FBXL17: variants seen among roughly 807,000 people sequenced by gnomAD.
The protein encoded by FBXL17 is F-box and leucine rich repeat protein 17, also known as F-box/LRR-repeat protein 17.
FBXL17 carries 22 observed loss-of-function variants against 66.2 expected under a neutral mutation model. That is an observed-to-expected ratio of 0.33 (90% confidence interval 0.24 to 0.47). The LOEUF (loss-of-function observed/expected upper bound fraction) is 0.47. Ranked by LOEUF, FBXL17 falls within the 20% of genes least tolerant of loss-of-function variation. The pLI is 1.00. For missense variants in FBXL17, 878 were observed against 948.2 expected, an observed-to-expected ratio of 0.93 and a Z score of 0.97; for synonymous variants, 474 against 400.5, an observed-to-expected ratio of 1.18 and a Z score of -2.19.
intron 3 of FBXL17, among the ~76,000 whole-genome samples, chr5:108,361,868 CTCTGGAACCAGGGA>C (rs748506392): frequency 3.9e-5 from 6 of 152,158 alleles, no homozygotes; most frequent in Non-Finnish European, 8.8e-5. Context: ...GCTCTGTTCC[CTCTGGAACCAGGGA>C]TCTGGGTCCC....
chr5:108,066,181 G>A (rs1748110827), intron 6 of FBXL17, among the ~76,000 whole-genome samples: 1 of 152,080 alleles, frequency 6.6e-6, no homozygotes, highest in African/African-American at 2.4e-5. Context: ...TCATGACATT[G>A]ATTATAAAGA....
chr5:107,988,769 C>T (rs1232860569), intron 7 of FBXL17, among the ~76,000 whole-genome samples: 2 of 151,918 alleles, frequency 1.3e-5, no homozygotes, highest in Non-Finnish European at 2.9e-5. Context: ...TGAATAAGAG[C>T]ATGATGATCT....
At chr5:108,289,899 C>T (rs938667699) in intron 4 of FBXL17, among the ~76,000 whole-genome samples, 1 of 152,094 alleles carries the variant, frequency 6.6e-6, no homozygotes, top group Admixed American at 6.6e-5. Flanking sequence ...GAGATACCTT[C>T]TAAAATGAAA....
intron 4 of FBXL17, among the ~76,000 whole-genome samples, chr5:108,245,111 T>C (rs979204344): frequency 6.6e-6 from 1 of 152,122 alleles, no homozygotes; most frequent in South Asian, 2.1e-4. Context: ...CATATAGATA[T>C]GAATAGACTT....
intron 7 of FBXL17, among the ~76,000 whole-genome samples, chr5:107,928,451 C>T (rs1429688788): frequency 1.3e-5 from 2 of 151,460 alleles, no homozygotes; most frequent in South Asian, 2.1e-4. Context: ...AAGATGACCC[C>T]CACCCCAAAT....
intron 6 of FBXL17, among the ~76,000 whole-genome samples, chr5:108,184,426 C>A (rs1481399995): frequency 1.3e-5 from 2 of 152,066 alleles, no homozygotes; most frequent in African/African-American, 2.4e-5. Context: ...CCTGCCTCAG[C>A]CTCCCAAGTA....
chr5:108,219,928 C>CTTTTTTTTTTTTTTTTTTT, intron 5 of FBXL17, among the ~76,000 whole-genome samples: 22 of 37,456 alleles, frequency 5.9e-4, no homozygotes, highest in East Asian at 1.4e-3. Context: ...TTACTATTTC[C>CTTTTTTTTTTTTTTTTTTT]TTTTTTTTTT....
At chr5:108,082,282 G>A (rs1748801914) in intron 6 of FBXL17, among the ~76,000 whole-genome samples, 1 of 151,954 alleles carries the variant, frequency 6.6e-6, no homozygotes, top group Non-Finnish European at 1.5e-5. Flanking sequence ...GACAGGCTCA[G>A]ATCTCCTGGG....
Position 108,225,256 on chromosome 5 carries a change from T to C in FBXL17, c.1507-1028A>G, listed in dbSNP as rs536624603. 4.6e-5 allele frequency among the ~76,000 whole-genome samples: 7 copies of C among 152,328 alleles called. No individual in the cohort carries two copies. In the East Asian group the frequency reaches 7.7e-4, roughly 17 times the overall value. On this transcript the variant is annotated intron_variant, in intron 4 of 8. Coordinates refer to ENST00000542267, the MANE Select transcript of FBXL17 (RefSeq NM_001163315.3). ...AATATGTGTTGGAATTTCCTTACTT[T>C]TCAAGGCTGAAAAATATTCCATTGT...
chr5:107,924,537 C>A (rs1399900782), intron 7 of FBXL17, among the ~76,000 whole-genome samples: 1 of 152,164 alleles, frequency 6.6e-6, no homozygotes, highest in Non-Finnish European at 1.5e-5. Context: ...CAGGCCAGTA[C>A]TAATCCTCTA....
chr5:108,134,441 A>T (rs1054280474), intron 6 of FBXL17, among the ~76,000 whole-genome samples: 19 of 152,204 alleles, frequency 1.2e-4, no homozygotes, highest in African/African-American at 4.6e-4. Context: ...ATTTCTAACC[A>T]TAAGTTTTTA....
At chr5:107,885,165 TA>T (rs895568448) in intron 7 of FBXL17, among the ~76,000 whole-genome samples, 1 of 152,200 alleles carries the variant, frequency 6.6e-6, no homozygotes, top group African/African-American at 2.4e-5. Context: ...TATGCAAGAC[TA>T]ATTCCTAACT....
intron 7 of FBXL17, among the ~76,000 whole-genome samples, chr5:107,972,576 T>C (rs962956894): frequency 1.3e-5 from 2 of 152,222 alleles, no homozygotes; most frequent in Non-Finnish European, 2.9e-5. Flanking sequence ...ACTAATTTTC[T>C]TTTGTTCTTT....
At chr5:108,056,694 C>G (rs1324966148) in intron 6 of FBXL17, among the ~76,000 whole-genome samples, 1 of 152,148 alleles carries the variant, frequency 6.6e-6, no homozygotes, top group Middle Eastern at 3.2e-3. Flanking sequence ...TCCTAGAAAA[C>G]TAGCTAAGGA....
intron 4 of FBXL17, among the ~76,000 whole-genome samples, chr5:108,287,829 A>G (rs1415298307): frequency 6.6e-6 from 1 of 152,066 alleles, no homozygotes; most frequent in African/African-American, 2.4e-5. Flanking sequence ...AGTTCATCAC[A>G]GCACTATTCA....
At chr5:107,906,279 A>G (rs533668389) in intron 7 of FBXL17, among the ~76,000 whole-genome samples, 19 of 152,284 alleles carry the variant, frequency 1.2e-4, no homozygotes, top group Non-Finnish European at 7.4e-5. Flanking sequence ...TATATCCAGT[A>G]TTTATTACTT....
intron 6 of FBXL17, among the ~76,000 whole-genome samples, chr5:108,039,148 A>T (rs575823560): frequency 2.6e-5 from 4 of 152,206 alleles, no homozygotes; most frequent in Non-Finnish European, 5.9e-5. Flanking sequence ...TTGTTCTTTA[A>T]TGAAGTTTTT....
chr5:108,370,443 G>T (rs1487939431), intron 1 of FBXL17, among the ~76,000 whole-genome samples: 1 of 152,104 alleles, frequency 6.6e-6, no homozygotes, highest in East Asian at 1.9e-4. Flanking sequence ...CTAGTGAGAA[G>T]TATAGAATAT....
rs138781883 is a variant in FBXL17 at position 108,190,082 on chromosome 5, A to C, written c.1615-3835T>G. Among the ~76,000 whole-genome samples the C allele has an allele frequency of 2.8e-4, 43 of 152,306 alleles. 1 individual carries two copies. The Middle Eastern group carries it at 0.01, about 36-fold the overall frequency. On this transcript the variant is annotated intron_variant, in intron 5 of 8. Transcript: ENST00000542267. The stretch of plus-strand genomic sequence containing the variant: ...TAAATGTACATTGTTTTAAGCTGCT[A>C]AACTTGTAGTAATTTGTTGTGTATC...
Sources: allele counts gnomAD v4.1 joint callset (sites outside exome capture counted in the v4.1 genomes callset), GRCh38; gene constraint gnomAD v4.1.1; transcripts MANE v1.5; gene names NCBI Gene and HGNC (gene_info 2026-07-23, HGNC 2026-07-21).